MGA: variants seen among roughly 807,000 people sequenced by gnomAD.
The protein encoded by MGA is MAX gene-associated protein.
Under a neutral mutation model 261.1 loss-of-function variants are expected in MGA, and 40 were observed. The ratio of observed to expected loss-of-function variants is 0.15; its 90% CI spans 0.12 to 0.20. The LOEUF is 0.20. Ranked by LOEUF, MGA falls within the 10% of genes least tolerant of loss-of-function variation. The pLI, the probability that MGA is intolerant of heterozygous loss-of-function variation, is 1.00. For missense variants in MGA, 3,397 were observed against 3,630.5 expected (o/e 0.94, Z 1.65); for synonymous variants, 1,302 against 1,290.6 (o/e 1.01, Z -0.19).
intron 1 of MGA, among the ~76,000 whole-genome samples, chr15:41,653,368 C>CAA (rs756970235): frequency 1.5e-5 from 2 of 135,540 alleles, no homozygotes; most frequent in Admixed American, 1.5e-4. Flanking sequence ...GACTCCATCT[C>CAA]AGAAAAAAAA....
Position 41,726,772 on chromosome 15 carries a change from C to G in MGA, c.3431-408C>G, listed in dbSNP as rs556109547. 2.0e-5 allele frequency among the ~76,000 whole-genome samples: 3 copies of G among 152,018 alleles called. No individual in the cohort carries two copies. In the South Asian group the frequency reaches 6.3e-4, roughly 32 times the overall value. ...TTTTTTTCAGTAAGGTCTTCTCTGA[C>G]CCTAAATATAATGGCAACTCTTGTT... On this transcript the variant is annotated intron_variant, in intron 9 of 23. Transcript: ENST00000219905.
chr15:41,767,670 G>A lies in MGA; in HGVS notation c.*390G>A. ...GTTGCTGTAGACTGAACTGTAGCTT[G>A]TAGCTGTTGAATTAAGTCCAAAATC... On this transcript the variant is annotated 3_prime_UTR_variant, in exon 24 of 24. Coordinates refer to ENST00000219905, the MANE Select transcript of MGA (RefSeq NM_001164273.2). 5.1e-6 allele frequency: 1 copy of A among 195,600 alleles called. No individual in the cohort carries two copies. Among genetic ancestry groups the A allele is most frequent in the Non-Finnish European group, 1.1e-5 (1 of 93,908 alleles). The allele number at this position is 195,600 out of a possible 1,614,324, so 12.1% of individuals were successfully genotyped here.
chr15:41,736,650 T>C lies in MGA; in HGVS notation c.4386T>C (p.Leu1462=), dbSNP rs2061792734. The change falls in exon 13 of 24, where the codon CTT becomes CTC. Residue 1462 remains leucine, a synonymous_variant. Transcript: ENST00000219905. ...CAGGGCTTTCTCCTGCAGGGAAGCT[T>C]GTGGCCTATAAACGTAAACCCAGTT... 8 of 1,613,800 alleles carry C rather than the reference T, an allele frequency of 5.0e-6. No individual in the cohort carries two copies. The highest frequency in any genetic ancestry group is 6.8e-6 in the Non-Finnish European group (8 of 1,179,808).
intron 3 of MGA, 86 bp from the exon 4 acceptor site, chr15:41,698,777 G>A: frequency 4.9e-6 from 5 of 1,025,918 alleles, no homozygotes; most frequent in Non-Finnish European, 7.0e-6. Context: ...TTTCCTTCTG[G>A]TCTTTAAGTT....
At chr15:41,631,907 GTGT>G (rs2056597049) in intron 1 of MGA, among the ~76,000 whole-genome samples, 1 of 151,928 alleles carries the variant, frequency 6.6e-6, no homozygotes, top group African/African-American at 2.4e-5. Context: ...TAAATGGCAA[GTGT>G]TGTTTTTTTA....
chr15:41,652,983 T>G (rs763533508), intron 1 of MGA, among the ~76,000 whole-genome samples: 3 of 152,236 alleles, frequency 2.0e-5, no homozygotes, highest in Non-Finnish European at 4.4e-5. Flanking sequence ...CGCTACAATT[T>G]ATAATCTATA....
intron 5 of MGA, among the ~76,000 whole-genome samples, chr15:41,701,024 C>T (rs2059823378): frequency 6.6e-6 from 1 of 152,180 alleles, no homozygotes; most frequent in Non-Finnish European, 1.5e-5. Context: ...GTGCAGATCC[C>T]AGTCTCAGTC....
In MGA at chr15:41,736,593, A is replaced by G; in HGVS notation, c.4329A>G (p.Arg1443=). 6.2e-7 allele frequency: 1 copy of G among 1,613,958 alleles called. No individual in the cohort carries two copies. The highest frequency in any genetic ancestry group is 8.5e-7 in the Non-Finnish European group (1 of 1,179,894). Reference sequence around the variant, plus strand: ...ATGCCCTGGATTCAGTGAGGGAGAGATTACATGGAGGCAAAGGTCTGCCTT... The same window carrying G: ...ATGCCCTGGATTCAGTGAGGGAGAGGTTACATGGAGGCAAAGGTCTGCCTT... Residue 1443 remains arginine, a synonymous_variant, in exon 13 of 24, where the codon AGA becomes AGG. Transcript: ENST00000219905.
upstream of MGA, among the ~76,000 whole-genome samples, chr15:41,659,386 G>A (rs1304526673): frequency 6.6e-6 from 1 of 152,106 alleles, no homozygotes; most frequent in Non-Finnish European, 1.5e-5. Flanking sequence ...AGCATGTCAC[G>A]TAGTAGGTTC....
At chr15:41,647,371 C>A (rs2056954935) in intron 1 of MGA, among the ~76,000 whole-genome samples, 1 of 152,182 alleles carries the variant, frequency 6.6e-6, no homozygotes, top group African/African-American at 2.4e-5. Flanking sequence ...CTGTCCTGAG[C>A]ACTAGACCCT....
upstream of MGA, among the ~76,000 whole-genome samples, chr15:41,656,344 T>TTCTCTCTCTCTCTCTC (rs59370765): frequency 1.5e-4 from 9 of 59,988 alleles, no homozygotes; most frequent in African/African-American, 4.3e-4. Context: ...CTCTCCTCTC[T>TTCTCTCTCTCTCTCTC]TCTCTCTCTC....
At chr15:41,649,796 C>A (rs568059338) in intron 1 of MGA, among the ~76,000 whole-genome samples, 1 of 152,216 alleles carries the variant, frequency 6.6e-6, no homozygotes, top group Non-Finnish European at 1.5e-5. Flanking sequence ...TCTCCTGCCT[C>A]AGCCTCCTGA....
rs776395874 is a variant in MGA, at chr15:41,766,403, C to T, written c.8321C>T (p.Ser2774Leu). Residue 2774 changes from serine to leucine, a missense_variant, in exon 24 of 24, where the codon TCA (serine) becomes TTA (leucine). Physicochemically the swap from Ser to Leu is moderately radical, Grantham distance 145 (BLOSUM62 -2). Around this residue, in one of 9 missense-constraint regions of MGA, gnomAD observed 647 missense variants for 642.4 expected, o/e 1.01. Transcript: ENST00000219905. Reference sequence around the variant, plus strand: ...GAGAGAGTGAAGTCAAAGGATTCTTCATTTCATAAATTAAAGATGAAAGAT... The same window carrying T: ...GAGAGAGTGAAGTCAAAGGATTCTTTATTTCATAAATTAAAGATGAAAGAT... 6 of 1,613,742 alleles carry T rather than the reference C, an allele frequency of 3.7e-6. No individual in the cohort carries two copies. The highest frequency in any genetic ancestry group is 5.1e-6 in the Non-Finnish European group (6 of 1,179,758).
chr15:41,766,970 C>T lies in MGA; in HGVS notation c.8888C>T (p.Ser2963Leu), dbSNP rs1174684090. Residue 2963 changes from serine (S) to leucine (L), a missense_variant, in exon 24 of 24, where the codon TCA becomes TTA. By Grantham distance (145) the Ser-to-Leu change is moderately radical. Transcript: ENST00000219905. ...CCTGCAGAGCCCGAAAGTGTGTCCT[C>T]ACCCCCCACCCTACACATGAAGACT... is the stretch of plus-strand genomic sequence containing the variant. 2.0e-5 allele frequency: 33 copies of T among 1,613,866 alleles called. No individual in the cohort carries two copies. Among genetic ancestry groups the T allele is most frequent in the Non-Finnish European group, 2.8e-5 (33 of 1,179,892 alleles).
chr15:41,621,789 G>A (rs955391988), intron 1 of MGA, among the ~76,000 whole-genome samples: 3 of 152,104 alleles, frequency 2.0e-5, no homozygotes, highest in Admixed American at 1.3e-4. Flanking sequence ...AGCTTTCCCC[G>A]GCGCCCCGGG....
At chr15:41,722,122 ATTTTTTTTTT>A (rs35690314) in intron 9 of MGA, among the ~76,000 whole-genome samples, 42 of 87,738 alleles carry the variant, frequency 4.8e-4, no homozygotes, top group Non-Finnish European at 7.5e-4. Flanking sequence ...AAGTAGGCCA[ATTTTTTTTTT>A]TTTTTTTTTT....
Position 41,739,604 on chromosome 15 carries a change from C to A in MGA, c.4435-449C>A, listed in dbSNP as rs146778034. Among the ~76,000 whole-genome samples, 334 of 152,234 alleles carry A rather than the reference C, an allele frequency of 2.2e-3. 3 individuals carry two copies. The highest frequency in any genetic ancestry group is 2.1e-3 in the Non-Finnish European group (146 of 68,026). ...TTACAAGGAAAACAATTGGATAATT[C>A]TAGTTGTTTAGATTTGATGATAACT... is the stretch of plus-strand genomic sequence containing the variant. On this transcript the variant is annotated intron_variant, in intron 13 of 23. Coordinates refer to ENST00000219905, the MANE Select transcript of MGA (RefSeq NM_001164273.2).
rs191730721 is a variant in MGA, at chr15:41,646,220, G to A, written c.-67-22608G>A. Reference sequence around the variant, plus strand: ...TATTGCTAAGTGACTTTCCTTGCTTGGCTAATAGAGGTGATATTCAGAAGC... The same window carrying A: ...TATTGCTAAGTGACTTTCCTTGCTTAGCTAATAGAGGTGATATTCAGAAGC... On this transcript the variant is annotated intron_variant, in intron 1 of 8. Coordinates refer to the MGA transcript ENST00000566718. Among the ~76,000 whole-genome samples, 53 of 152,168 alleles carry A rather than the reference G, an allele frequency of 3.5e-4. No homozygotes were observed. The East Asian group carries it at 8.9e-3, about 25-fold the overall frequency.
intron 19 of MGA, among the ~76,000 whole-genome samples, chr15:41,758,923 T>G (rs183067140): frequency 6.6e-6 from 1 of 152,310 alleles, no homozygotes; most frequent in East Asian, 1.9e-4. Context: ...GTGTTTATAA[T>G]GTCATAATAG....
Sources: gnomAD v4.1 joint callset for allele counts (sites outside exome capture counted in the v4.1 genomes callset) on GRCh38, gnomAD v4.1.1 for gene constraint, gnomAD v4.1.1 regional missense constraint, MANE v1.5 for transcripts, NCBI Gene and HGNC (gene_info 2026-07-23, HGNC 2026-07-21) for gene names.